Variants in SLC1A1 observed in about 807,000 individuals in gnomAD.
SLC1A1 encodes excitatory amino acid transporter 3.
SLC1A1 carries 43 observed loss-of-function variants against 53.3 expected under a neutral mutation model. That is an observed-to-expected ratio of 0.81 (90% confidence interval 0.63 to 1.04). The LOEUF (loss-of-function observed/expected upper bound fraction) is 1.04. SLC1A1 is among the 50% of genes least tolerant of loss of function. The pLI is 0.00. For synonymous variants in SLC1A1, 307 were observed against 243.2 expected (o/e 1.26, Z -2.44); for missense variants, 748 against 664.9 (o/e 1.12, Z -1.37).
intron 1 of SLC1A1, among the ~76,000 whole-genome samples, chr9:4,544,069 G>A (rs751916054): frequency 3.3e-5 from 5 of 152,028 alleles, no homozygotes; most frequent in Admixed American, 6.6e-5. Context: ...CTAGCTACTC[G>A]GGAGGCTGAG....
At chr9:4,514,964 G>A (rs921659174) in intron 1 of SLC1A1, among the ~76,000 whole-genome samples, 1 of 151,930 alleles carries the variant, frequency 6.6e-6, no homozygotes. Context: ...TTCTGACTGG[G>A]CTGGCAGGAT....
chr9:4,533,039 G>A (rs1457328884), intron 1 of SLC1A1, among the ~76,000 whole-genome samples: 1 of 152,162 alleles, frequency 6.6e-6, no homozygotes, highest in African/African-American at 2.4e-5. Context: ...CACTAGGCCT[G>A]CCTTACAAGA....
chr9:4,536,354 A>C (rs796806173), intron 1 of SLC1A1, among the ~76,000 whole-genome samples: 12 of 151,824 alleles, frequency 7.9e-5, no homozygotes, highest in African/African-American at 1.7e-4. Flanking sequence ...ACAAGAAAAA[A>C]AAACAGCCCC....
At chr9:4,495,577 G>A (rs1013291361) in intron 1 of SLC1A1, among the ~76,000 whole-genome samples, 6 of 152,082 alleles carry the variant, frequency 3.9e-5, no homozygotes, top group Non-Finnish European at 4.4e-5. Flanking sequence ...GAATCAAGAC[G>A]GAGGAGAGGT....
At chr9:4,580,207 G>T (rs1461432292) in intron 10 of SLC1A1, among the ~76,000 whole-genome samples, 1 of 151,272 alleles carries the variant, frequency 6.6e-6, no homozygotes, top group Non-Finnish European at 1.5e-5. Context: ...CTCTAGCCTA[G>T]GCAACAGAGT....
rs190155410 is a variant in SLC1A1 at position 4,562,551 on chromosome 9, G to C, written c.325+1010G>C. ...TAAGAGGGAGAAAATTCTAATAAGGGAGGAGCTGCTCTTATACCCTTAGCA... is the reference window on the plus strand; with the variant it reads ...TAAGAGGGAGAAAATTCTAATAAGGCAGGAGCTGCTCTTATACCCTTAGCA... On this transcript the variant is annotated intron_variant, in intron 3 of 11. Coordinates refer to ENST00000262352, the MANE Select transcript of SLC1A1 (RefSeq NM_004170.6). Among the ~76,000 whole-genome samples, 757 of 152,286 alleles carry C rather than the reference G, an allele frequency of 5.0e-3. 5 individuals are homozygous for C. Among genetic ancestry groups the C allele is most frequent in the African/African-American group, 0.018 (730 of 41,560 alleles).
intron 1 of SLC1A1, among the ~76,000 whole-genome samples, chr9:4,508,660 T>C (rs1332733848): frequency 2.0e-5 from 3 of 152,204 alleles, no homozygotes. Context: ...AGACAATAAA[T>C]TCATCCACAT....
At chr9:4,510,262 C>T (rs1386563200) in intron 1 of SLC1A1, among the ~76,000 whole-genome samples, 1 of 152,204 alleles carries the variant, frequency 6.6e-6, no homozygotes, top group Non-Finnish European at 1.5e-5. Flanking sequence ...TCACACAAGC[C>T]TAGCCCTAGG....
In SLC1A1 at chr9:4,585,718, C is replaced by A; in HGVS notation, c.*160C>A. 3.3e-6 allele frequency: 3 copies of A among 917,642 alleles called. No individual in the cohort carries two copies. Among genetic ancestry groups the A allele is most frequent in the Non-Finnish European group, 4.9e-6 (3 of 606,446 alleles). The allele number at this position is 917,642 out of a possible 1,614,324, so 56.8% of individuals were successfully genotyped here. ...TCTATATTTGGATTCACAGCCTTTG[C>A]GCTCTGGGTTTTGGGATTTGGGTGT... On this transcript the variant is annotated 3_prime_UTR_variant, in exon 12 of 12. Transcript: ENST00000262352.
intron 6 of SLC1A1, 83 bp from the exon 7 acceptor site, chr9:4,572,121 T>C: frequency 2.6e-6 from 3 of 1,153,726 alleles, no homozygotes; most frequent in Non-Finnish European, 3.9e-6. Flanking sequence ...TGTTTGGTCA[T>C]TGTATCTTCT....
intron 6 of SLC1A1, among the ~76,000 whole-genome samples, chr9:4,571,889 T>C (rs550088615): frequency 6.6e-6 from 1 of 152,244 alleles, no homozygotes; most frequent in Non-Finnish European, 1.5e-5. Flanking sequence ...AAAATGACCC[T>C]GAAAAGTGCC....
chr9:4,541,256 GC>G (rs1372429451), intron 1 of SLC1A1, among the ~76,000 whole-genome samples: 1 of 152,196 alleles, frequency 6.6e-6, no homozygotes, highest in East Asian at 1.9e-4. Context: ...GCTGGGAATA[GC>G]CATCCAAGAA....
At chr9:4,537,152 C>A (rs2130864485) in intron 1 of SLC1A1, among the ~76,000 whole-genome samples, 1 of 151,926 alleles carries the variant, frequency 6.6e-6, no homozygotes, top group African/African-American at 2.4e-5. Context: ...ATGTAACTAA[C>A]CTGCACATTG....
Position 4,583,550 on chromosome 9 carries a change from G to A in SLC1A1, c.1328+378G>A, listed in dbSNP as rs111985977. ...GAACCACCTAGTTCAAAATCAGTCCGTCTTCCTAAGCATCTTCCGAACCAT... is the reference window on the plus strand; with the variant it reads ...GAACCACCTAGTTCAAAATCAGTCCATCTTCCTAAGCATCTTCCGAACCAT... On this transcript the variant is annotated intron_variant, in intron 11 of 11. Coordinates refer to ENST00000262352, the MANE Select transcript of SLC1A1 (RefSeq NM_004170.6). This position sits in a 1 kb window ranked among gnomAD's most constrained non-coding sequence, Gnocchi z 4.6. Among the ~76,000 whole-genome samples, 2,926 of 152,236 alleles carry A rather than the reference G, an allele frequency of 0.019. 41 individuals carry two copies. The highest frequency in any genetic ancestry group is 0.043 in the African/African-American group (1,798 of 41,532).
chr9:4,584,933 C>T lies in SLC1A1; in HGVS notation c.1329-379C>T, dbSNP rs144151340. ...AAACACCCAAGTTCTCTGACCTTTG[C>T]CCAAAGAGAGCCCACAATGGCATTT... On this transcript the variant is annotated intron_variant, in intron 11 of 11. Transcript: ENST00000262352. 1.9e-3 allele frequency among the ~76,000 whole-genome samples: 285 copies of T among 152,304 alleles called. 2 individuals are homozygous for T. The highest frequency in any genetic ancestry group is 6.1e-3 in the African/African-American group (252 of 41,570).
At chr9:4,534,032 C>G (rs1816579573) in intron 1 of SLC1A1, among the ~76,000 whole-genome samples, 1 of 152,234 alleles carries the variant, frequency 6.6e-6, no homozygotes, top group African/African-American at 2.4e-5. Context: ...ACACAACACA[C>G]CAGAATCTCT....
Position 4,546,246 on chromosome 9 carries a change from T to C in SLC1A1, c.232+1539T>C, listed in dbSNP as rs148878727. 3.1e-3 allele frequency among the ~76,000 whole-genome samples: 466 copies of C among 152,340 alleles called. 3 individuals are homozygous for C. Among genetic ancestry groups the C allele is most frequent in the African/African-American group, 0.01 (433 of 41,580 alleles). On this transcript the variant is annotated intron_variant, in intron 2 of 11. Transcript: ENST00000262352. ...GAAACCTAAAGAGAACATTTAATTATTTTTATGAATGTATTTAATTACGTT... is the reference window on the plus strand; with the variant it reads ...GAAACCTAAAGAGAACATTTAATTACTTTTATGAATGTATTTAATTACGTT...
At chr9:4,502,083 T>C (rs1174556066) in intron 1 of SLC1A1, among the ~76,000 whole-genome samples, 1 of 151,512 alleles carries the variant, frequency 6.6e-6, no homozygotes, top group Non-Finnish European at 1.5e-5. Context: ...GCAGGTTTCA[T>C]TTAAGATTTC....
chr9:4,572,211 C>T lies in SLC1A1; in HGVS notation c.590C>T (p.Thr197Ile), dbSNP rs767713041. 2 of 1,612,700 alleles carry T rather than the reference C, an allele frequency of 1.2e-6. No individual in the cohort carries two copies. The highest frequency in any genetic ancestry group is 2.2e-5 in the South Asian group (2 of 91,064). Residue 197 changes from threonine to isoleucine, a missense_variant, in exon 7 of 12, where the codon ACA (threonine) becomes ATA (isoleucine). Thr to Ile is a moderately conservative substitution (Grantham distance 89). Transcript: ENST00000262352. ...CTTGGTTTTGATCCACAGAACAAAA[C>T]AAAGGAATACAAAATTGTTGGCATG... ...VMTTAISKNKTKEYKIVGMYS... is the reference protein window; with the variant it reads ...VMTTAISKNKIKEYKIVGMYS...
Sources: allele counts gnomAD v4.1 joint callset (sites outside exome capture counted in the v4.1 genomes callset), GRCh38; gene constraint gnomAD v4.1.1; non-coding constraint Gnocchi (gnomAD v3.1); transcripts MANE v1.5; gene names NCBI Gene and HGNC (gene_info 2026-07-23, HGNC 2026-07-21).